Variants in GRIA1 observed in about 807,000 individuals in gnomAD.
GRIA1 encodes glutamate ionotropic receptor AMPA type subunit 1.
In GRIA1, 31 loss-of-function variants were observed where a neutral mutation model predicts 99.2. The ratio of observed to expected loss-of-function variants is 0.31; its 90% CI spans 0.23 to 0.42. The LOEUF is 0.42. Ranked by LOEUF, GRIA1 falls within the 10% of genes least tolerant of loss-of-function variation. The pLI, the probability that GRIA1 is intolerant of heterozygous loss-of-function variation, is 1.00. For missense variants in GRIA1, 782 were observed against 1,157.5 expected (o/e 0.68, Z 4.71); for synonymous variants, 438 against 432.4 (o/e 1.01, Z -0.16).
chr5:153,716,581 C>A (rs1026636048), intron 11 of GRIA1, among the ~76,000 whole-genome samples: 1 of 152,114 alleles, frequency 6.6e-6, no homozygotes, highest in African/African-American at 2.4e-5. Flanking sequence ...TTTGCCCCCA[C>A]CAAGATCAGG....
At position 153,545,504 on chromosome 5, in the gene GRIA1, G is replaced by A. The variant is rs1759530332; in HGVS notation, c.220+51439G>A. On this transcript the variant is annotated intron_variant, in intron 2 of 15. Transcript: ENST00000285900. ...ATCATAACCTTCTATGCATTTCAGG[G>A]TCGGCTTAAGGATATTTGCAAAGAA... 3.3e-5 allele frequency among the ~76,000 whole-genome samples: 5 copies of A among 152,058 alleles called. No individual in the cohort carries two copies. The South Asian group carries it at 1.0e-3, about 32-fold the overall frequency.
chr5:153,537,621 A>G (rs957343149), intron 2 of GRIA1, among the ~76,000 whole-genome samples: 2 of 152,208 alleles, frequency 1.3e-5, no homozygotes, highest in African/African-American at 4.8e-5. Flanking sequence ...CTCTGTAATC[A>G]TGTCTGTAAG....
At position 153,626,486 on chromosome 5, in the gene GRIA1, GTA is replaced by G. The variant is rs1336929780; in HGVS notation, c.221-20440_221-20439del. 7.8e-3 allele frequency among the ~76,000 whole-genome samples: 845 copies of G among 108,682 alleles called. 7 individuals are homozygous for G. The highest frequency in any genetic ancestry group is 0.023 in the African/African-American group (704 of 30,030). 71.3% of individuals were successfully genotyped at this position (108,682 alleles called of 152,430 possible). A position where few individuals can be genotyped will look rare whatever the true frequency, so the allele number is the denominator to read the frequency against. ...TGTGTGTGTGTGTGTGTGTGTGTGT[GTA>G]TGTGTTGTGCTGTTGAAGCTGAATG... On this transcript the variant is annotated intron_variant, in intron 2 of 15. Transcript: ENST00000285900.
intron 11 of GRIA1, among the ~76,000 whole-genome samples, chr5:153,708,157 G>A (rs568402185): frequency 3.9e-5 from 6 of 152,138 alleles, no homozygotes; most frequent in African/African-American, 1.4e-4. Context: ...CAATCTTGTG[G>A]TCCATAAACT....
At chr5:153,724,426 G>T (rs1399986053) in intron 11 of GRIA1, among the ~76,000 whole-genome samples, 1 of 152,192 alleles carries the variant, frequency 6.6e-6, no homozygotes, top group South Asian at 2.1e-4. Flanking sequence ...AGAGAGGAAG[G>T]CTTCAGACGA....
intron 2 of GRIA1, among the ~76,000 whole-genome samples, chr5:153,603,511 A>T (rs933394360): frequency 6.7e-6 from 1 of 150,344 alleles, no homozygotes; most frequent in Non-Finnish European, 1.5e-5. Context: ...GTGCCCTAAA[A>T]CTTAAAGTAT....
chr5:153,724,765 G>A (rs1169273693), intron 11 of GRIA1, among the ~76,000 whole-genome samples: 1 of 152,220 alleles, frequency 6.6e-6, no homozygotes, highest in Non-Finnish European at 1.5e-5. Flanking sequence ...CCAAATCTAT[G>A]TCTGATTGGT....
At chr5:153,579,790 G>C (rs918717919) in intron 2 of GRIA1, among the ~76,000 whole-genome samples, 14 of 152,000 alleles carry the variant, frequency 9.2e-5, no homozygotes, top group Non-Finnish European at 1.5e-5. Context: ...AGTGATAGAG[G>C]AGTTGAAACC....
intron 13 of GRIA1, among the ~76,000 whole-genome samples, chr5:153,773,817 G>A (rs1231678728): frequency 6.6e-6 from 1 of 152,066 alleles, no homozygotes; most frequent in Admixed American, 6.6e-5. Context: ...TTTCTCTCCA[G>A]TGCAAACCTG....
rs541648634 is a variant in GRIA1 at position 153,742,631 on chromosome 5, T to C, written c.1824-21803T>C. Among the ~76,000 whole-genome samples, 11 of 152,338 alleles carry C rather than the reference T, an allele frequency of 7.2e-5. No individual in the cohort carries two copies. In the East Asian group the frequency reaches 2.1e-3, roughly 29 times the overall value. ...GAGACTAAGATCTTGGTTTCTTTCATGGTTCTCAGCTAAGGGCTCTTTCCT... is the reference window on the plus strand; with the variant it reads ...GAGACTAAGATCTTGGTTTCTTTCACGGTTCTCAGCTAAGGGCTCTTTCCT... On this transcript the variant is annotated intron_variant, in intron 11 of 15. Transcript: ENST00000285900.
chr5:153,502,488 G>A (rs1755097039), intron 2 of GRIA1, among the ~76,000 whole-genome samples: 1 of 152,188 alleles, frequency 6.6e-6, no homozygotes, highest in Non-Finnish European at 1.5e-5. Context: ...AAGTCCAATT[G>A]AAAGCTCATT....
chr5:153,661,710 A>C (rs562727505), intron 5 of GRIA1, among the ~76,000 whole-genome samples: 1 of 152,222 alleles, frequency 6.6e-6, no homozygotes, highest in Non-Finnish European at 1.5e-5. Context: ...CTAGAAAATA[A>C]TGTCTGCACC....
At chr5:153,729,306 G>T (rs1760832280) in intron 11 of GRIA1, among the ~76,000 whole-genome samples, 1 of 151,844 alleles carries the variant, frequency 6.6e-6, no homozygotes, top group Non-Finnish European at 1.5e-5. Context: ...AATGGGTGCA[G>T]CACACCAGCA....
At chr5:153,646,339 TAGC>T (rs1253325205) in intron 2 of GRIA1, among the ~76,000 whole-genome samples, 1 of 152,218 alleles carries the variant, frequency 6.6e-6, no homozygotes, top group African/African-American at 2.4e-5. Context: ...AAACGTGTAT[TAGC>T]AGCAATAGCT....
At chr5:153,696,804 G>A (rs557446354) in intron 8 of GRIA1, among the ~76,000 whole-genome samples, 22 of 152,180 alleles carry the variant, frequency 1.4e-4, no homozygotes, top group African/African-American at 4.6e-4. Context: ...AAAGCAAATA[G>A]AGATTAGAGA....
chr5:153,769,237 T>C lies in GRIA1; in HGVS notation c.2023-931T>C, dbSNP rs114442165. Among the ~76,000 whole-genome samples the C allele has an allele frequency of 6.1e-3, 922 of 152,252 alleles. 10 individuals carry two copies. Among genetic ancestry groups the C allele is most frequent in the African/African-American group, 0.021 (882 of 41,550 alleles). On this transcript the variant is annotated intron_variant, in intron 12 of 15. Transcript: ENST00000285900. ...ATACAGGCCATACAGATCAGAATCA[T>C]CTCTTGGGGACAATTCCTAAAAAAG... is the stretch of plus-strand genomic sequence containing the variant.
rs1028357658 is a variant in GRIA1, at chr5:153,811,307, C to G, written c.*82C>G. On this transcript the variant is annotated 3_prime_UTR_variant, in exon 16 of 16. Transcript: ENST00000285900. ...AACCCTTCAGTGCCAAAAACAACAA[C>G]AAAATGAAACGCAACCACCACCAAC... 2 of 913,982 alleles carry G rather than the reference C, an allele frequency of 2.2e-6. No homozygotes were observed. Among genetic ancestry groups the G allele is most frequent in the South Asian group, 1.4e-5 (1 of 71,522 alleles). 56.6% of individuals were successfully genotyped at this position (913,982 alleles called of 1,614,324 possible). A position where few individuals can be genotyped will look rare whatever the true frequency, so the allele number is the denominator to read the frequency against.
chr5:153,758,413 T>C (rs766895207), intron 11 of GRIA1, among the ~76,000 whole-genome samples: 1 of 151,862 alleles, frequency 6.6e-6, no homozygotes, highest in Non-Finnish European at 1.5e-5. Flanking sequence ...TAGTCACACT[T>C]ATATCAGAAA....
At chr5:153,719,504 G>A (rs773833814) in intron 11 of GRIA1, among the ~76,000 whole-genome samples, 1 of 151,924 alleles carries the variant, frequency 6.6e-6, no homozygotes, top group Non-Finnish European at 1.5e-5. Flanking sequence ...TCTGGCAGCC[G>A]AGGCTTTTGG....
Sources: gnomAD v4.1 joint callset for allele counts (sites outside exome capture counted in the v4.1 genomes callset) on GRCh38, gnomAD v4.1.1 for gene constraint, MANE v1.5 for transcripts, NCBI Gene and HGNC (gene_info 2026-07-23, HGNC 2026-07-21) for gene names.